The following TM4SF4 variants were observed in gnomAD, a reference collection of about 807,000 sequenced individuals.
The protein encoded by TM4SF4 is transmembrane 4 L6 family member 4.
TM4SF4 carries 24 observed loss-of-function variants against 24.1 expected under a neutral mutation model. That is an observed-to-expected ratio of 1.00 (90% CI 0.72 to 1.40). TM4SF4 has a LOEUF of 1.40. Among genes scored for constraint, TM4SF4 ranks in the 40% most tolerant of loss-of-function variants. The probability of loss-of-function intolerance (pLI) is 0.00; values close to 1 mark genes in which losing one functional copy is unlikely to be tolerated. For missense variants in TM4SF4, 254 were observed against 254.2 expected, an observed-to-expected ratio of 1.00 and a Z score of 0.01; for synonymous variants, 113 against 97.0, an observed-to-expected ratio of 1.17 and a Z score of -0.97.
intron 4 of TM4SF4, among the ~76,000 whole-genome samples, chr3:149,500,495 A>T (rs1206645418): frequency 1.3e-5 from 2 of 152,152 alleles, no homozygotes; most frequent in African/African-American, 4.8e-5. Flanking sequence ...ACTGTATTGT[A>T]TTCAAATGTT....
chr3:149,482,149 A>G (rs1015253060), intron 2 of TM4SF4, among the ~76,000 whole-genome samples: 5 of 152,162 alleles, frequency 3.3e-5, no homozygotes, highest in Admixed American at 3.3e-4. Flanking sequence ...GCTATCTTAC[A>G]TATTATCTGT....
chr3:149,499,012 AG>A (rs1187326787), intron 4 of TM4SF4, 101 bp downstream of exon 4: 9 of 1,300,538 alleles, frequency 6.9e-6, no homozygotes, highest in Non-Finnish European at 9.7e-6. Flanking sequence ...TGAAGGAATG[AG>A]GGGGTAAGTG....
intron 2 of TM4SF4, among the ~76,000 whole-genome samples, chr3:149,482,876 C>G (rs990232049): frequency 6.6e-6 from 1 of 152,160 alleles, no homozygotes; most frequent in Non-Finnish European, 1.5e-5. Context: ...GTCATGAAAC[C>G]CATGATAAAT....
chr3:149,474,752 A>T lies in TM4SF4; in HGVS notation c.-126A>T. On this transcript the variant is annotated 5_prime_UTR_variant, in exon 1 of 5. Transcript: ENST00000305354. ...CACAGTTCACAGAAATTTGGTTCTC[A>T]GCCCCAAAATACTGATTGAATTGGA... 1 of 1,057,574 alleles carries T rather than the reference A, an allele frequency of 9.5e-7. No homozygotes were observed. The highest frequency in any genetic ancestry group is 1.3e-6 in the Non-Finnish European group (1 of 754,722). 65.5% of individuals were successfully genotyped at this position (1,057,574 alleles called of 1,614,324 possible). A position where few individuals can be genotyped will look rare whatever the true frequency, so the allele number is the denominator to read the frequency against.
rs202108567 is a variant in TM4SF4, at chr3:149,474,911, G to A, written c.34G>A (p.Gly12Arg). 598 of 1,613,884 alleles carry A rather than the reference G, an allele frequency of 3.7e-4. No individual in the cohort carries two copies. Among genetic ancestry groups the A allele is most frequent in the Non-Finnish European group, 4.7e-4 (551 of 1,179,850 alleles). Residue 12 changes from glycine (G) to arginine (R), a missense_variant, in exon 1 of 5, where the codon GGG becomes AGG. Gly to Arg is a moderately radical substitution (Grantham distance 125, BLOSUM62 -2). Transcript: ENST00000305354. ...CTGGCARCLG[G>R]TLIPLAFFGF... ...TGGGGGCTGTGCCAGATGCCTGGGG[G>A]GGACCCTCATTCCCCTTGCTTTTTT...
At chr3:149,488,230 T>G (rs188905747) in intron 3 of TM4SF4, among the ~76,000 whole-genome samples, 2 of 152,306 alleles carry the variant, frequency 1.3e-5, no homozygotes, top group East Asian at 3.9e-4. Flanking sequence ...GACATTGAAA[T>G]CATTGTAGGT....
At chr3:149,479,340 A>G (rs1380731583) in intron 2 of TM4SF4, among the ~76,000 whole-genome samples, 2 of 151,198 alleles carry the variant, frequency 1.3e-5, no homozygotes, top group East Asian at 3.9e-4. Flanking sequence ...GCATCAAACA[A>G]TAATCATTTC....
At chr3:149,496,902 G>A (rs1734321734) in intron 3 of TM4SF4, among the ~76,000 whole-genome samples, 1 of 151,534 alleles carries the variant, frequency 6.6e-6, no homozygotes, top group African/African-American at 2.4e-5. Context: ...GGCTGGGCGT[G>A]GTGACTCACA....
intron 3 of TM4SF4, among the ~76,000 whole-genome samples, chr3:149,491,471 A>AAAAAC (rs56119981): frequency 0.085 from 12,826 of 150,732 alleles, 1,019 homozygotes; most frequent in East Asian, 0.43. Context: ...GTCTCAAACA[A>AAAAAC]AAAACAAAAC....
intron 2 of TM4SF4, among the ~76,000 whole-genome samples, chr3:149,479,165 G>A (rs1733989224): frequency 6.6e-6 from 1 of 152,062 alleles, no homozygotes; most frequent in African/African-American, 2.4e-5. Flanking sequence ...CCCCTAGCCT[G>A]CATTTTGGCA....
At chr3:149,496,472 G>GA (rs970958524) in intron 3 of TM4SF4, among the ~76,000 whole-genome samples, 6 of 151,090 alleles carry the variant, frequency 4.0e-5, no homozygotes, top group East Asian at 1.9e-4. Flanking sequence ...AGTTTAATGA[G>GA]AAAAAAAAAG....
intron 2 of TM4SF4, among the ~76,000 whole-genome samples, chr3:149,478,852 C>T (rs1221329149): frequency 6.6e-6 from 1 of 152,228 alleles, no homozygotes; most frequent in Non-Finnish European, 1.5e-5. Context: ...CAACCTCCAC[C>T]TCTTGGGTAC....
chr3:149,478,992 C>G (rs1197530357), intron 2 of TM4SF4, among the ~76,000 whole-genome samples: 1 of 152,190 alleles, frequency 6.6e-6, no homozygotes, highest in Non-Finnish European at 1.5e-5. Context: ...GTCTCGAACT[C>G]CTGACCTCAG....
chr3:149,477,201 C>G (rs1733948107), intron 2 of TM4SF4, among the ~76,000 whole-genome samples: 1 of 152,160 alleles, frequency 6.6e-6, no homozygotes, highest in Non-Finnish European at 1.5e-5. Context: ...TAAAATGCAA[C>G]TATATTGTGT....
chr3:149,488,807 C>T (rs960830826), intron 3 of TM4SF4, among the ~76,000 whole-genome samples: 3 of 152,162 alleles, frequency 2.0e-5, no homozygotes, highest in Non-Finnish European at 1.5e-5. Context: ...GTGACTGGCA[C>T]ATCCCACAGA....
chr3:149,494,826 A>G lies in TM4SF4; in HGVS notation c.402-3896A>G, dbSNP rs903603502. 12 of 152,586 alleles carry G rather than the reference A, an allele frequency of 7.9e-5. 1 individual carries two copies. The highest frequency in any genetic ancestry group is 1.5e-4 in the Non-Finnish European group (10 of 68,092). 9.5% of individuals were successfully genotyped at this position (152,586 alleles called of 1,614,324 possible). ...AAGAAGGGAAAGAGCTCTTTCAGGT[A>G]TGCTTGGGTCTTGAATAAATGGTAA... On this transcript the variant is annotated intron_variant, in intron 3 of 4. Transcript: ENST00000305354.
intron 2 of TM4SF4, among the ~76,000 whole-genome samples, chr3:149,486,315 G>A (rs1458478965): frequency 2.6e-5 from 4 of 152,132 alleles, no homozygotes; most frequent in Admixed American, 6.6e-5. Context: ...AGGCTCTGAG[G>A]ACACATTCAT....
chr3:149,497,008 T>C (rs1734323335), intron 3 of TM4SF4, among the ~76,000 whole-genome samples: 1 of 152,144 alleles, frequency 6.6e-6, no homozygotes, highest in Non-Finnish European at 1.5e-5. Flanking sequence ...CCGTGTCTAT[T>C]TTTTTAAAAA....
intron 3 of TM4SF4, among the ~76,000 whole-genome samples, chr3:149,497,464 A>T (rs147780446): frequency 1.0e-3 from 159 of 152,352 alleles, no homozygotes; most frequent in Middle Eastern, 3.4e-3. Context: ...TAACATCAAC[A>T]TTAATTCAGT....
Sources: allele counts gnomAD v4.1 joint callset (sites outside exome capture counted in the v4.1 genomes callset), GRCh38; gene constraint gnomAD v4.1.1; transcripts MANE v1.5; gene names NCBI Gene and HGNC (gene_info 2026-07-23, HGNC 2026-07-21).